The following NRXN1 variants were observed in gnomAD, a reference collection of about 807,000 sequenced individuals.
NRXN1 encodes the protein neurexin 1.
Under a neutral mutation model 150.9 loss-of-function variants are expected in NRXN1, and 39 were observed. The ratio of observed to expected loss-of-function variants is 0.26; its 90% CI spans 0.20 to 0.34. The LOEUF (loss-of-function observed/expected upper bound fraction) is 0.34, where lower values mean the gene tolerates loss of function less well. Among genes scored for constraint, NRXN1 ranks in the 10% least tolerant of loss-of-function variants. The pLI is 1.00. For missense variants in NRXN1, 1,815 were observed against 1,949.9 expected (o/e 0.93, Z 1.30); for synonymous variants, 924 against 757.0 (o/e 1.22, Z -3.62).
chr2:50,215,714 G>C (rs12472435), intron 18 of NRXN1, among the ~76,000 whole-genome samples: 35,795 of 151,884 alleles, frequency 0.24, 4,914 homozygotes, highest in African/African-American at 0.37. Flanking sequence ...AAGACATCAT[G>C]ATATTAATAA....
intron 17 of NRXN1, among the ~76,000 whole-genome samples, chr2:50,426,066 C>T (rs1354316501): frequency 2.6e-5 from 4 of 152,170 alleles, no homozygotes; most frequent in Non-Finnish European, 5.9e-5. Flanking sequence ...TTTTGTGATA[C>T]CTGAAATCAA....
chr2:50,740,681 T>C (rs1164066007), intron 5 of NRXN1, among the ~76,000 whole-genome samples: 1 of 152,200 alleles, frequency 6.6e-6, no homozygotes, highest in African/African-American at 2.4e-5. Flanking sequence ...TTTTTTCCAG[T>C]ATTTCTTTAC....
Position 50,196,185 on chromosome 2 carries a change from A to C in NRXN1, c.3546+40604T>G, listed in dbSNP as rs142024031. Among the ~76,000 whole-genome samples the C allele has an allele frequency of 6.3e-4, 96 of 152,096 alleles. No individual in the cohort carries two copies. The East Asian group carries it at 0.017, about 27-fold the overall frequency. ...CCACTCCCTATGTCCATCTGCTGTC[A>C]TTGTTCAGCTCCCACTTATAAGTGC... is the stretch of plus-strand genomic sequence containing the variant. On this transcript the variant is annotated intron_variant, in intron 18 of 22. Transcript: ENST00000401669.
intron 8 of NRXN1, among the ~76,000 whole-genome samples, chr2:50,596,347 C>A (rs564643513): frequency 6.6e-6 from 1 of 152,138 alleles, no homozygotes; most frequent in Non-Finnish European, 1.5e-5. Flanking sequence ...ACATCATTCA[C>A]GATCTATCCC....
chr2:49,957,283 A>G (rs556316256), intron 21 of NRXN1, among the ~76,000 whole-genome samples: 10 of 152,148 alleles, frequency 6.6e-5, no homozygotes, highest in Non-Finnish European at 1.3e-4. Context: ...TATTACATGT[A>G]TTAAATTATC....
chr2:49,980,194 G>T (rs1679757979), intron 21 of NRXN1, among the ~76,000 whole-genome samples: 1 of 152,124 alleles, frequency 6.6e-6, no homozygotes, highest in Non-Finnish European at 1.5e-5. Context: ...CAGAATAGTT[G>T]TTGTTAAAGT....
chr2:50,289,082 A>C (rs2072573068), intron 17 of NRXN1, among the ~76,000 whole-genome samples: 1 of 152,148 alleles, frequency 6.6e-6, no homozygotes, highest in African/African-American at 2.4e-5. Context: ...GGAACGTATA[A>C]GGAGAAATAG....
intron 19 of NRXN1, among the ~76,000 whole-genome samples, chr2:50,069,720 C>T (rs1013055466): frequency 2.6e-5 from 4 of 152,134 alleles, no homozygotes; most frequent in African/African-American, 9.7e-5. Flanking sequence ...TACAGACACA[C>T]CCACCTCTTA....
At chr2:50,951,048 CT>C (rs1691243738) in intron 2 of NRXN1, among the ~76,000 whole-genome samples, 1 of 152,110 alleles carries the variant, frequency 6.6e-6, no homozygotes. Context: ...TGTGAGGTCC[CT>C]GTATGTCAGT....
At chr2:50,453,514 T>C (rs1399517234) in intron 17 of NRXN1, among the ~76,000 whole-genome samples, 2 of 152,230 alleles carry the variant, frequency 1.3e-5, no homozygotes, top group African/African-American at 4.8e-5. Context: ...TCTGATGTTG[T>C]CACTATACTC....
intron 5 of NRXN1, among the ~76,000 whole-genome samples, chr2:50,625,899 A>G (rs1248126681): frequency 6.6e-6 from 1 of 152,038 alleles, no homozygotes; most frequent in East Asian, 1.9e-4. Context: ...AATGTGATAA[A>G]TCATCTAAAA....
chr2:50,298,281 AAATTG>A (rs1206847072), intron 17 of NRXN1, among the ~76,000 whole-genome samples: 1 of 152,152 alleles, frequency 6.6e-6, no homozygotes, highest in Non-Finnish European at 1.5e-5. Context: ...AAATTAACAC[AAATTG>A]AATAGAAATA....
intron 13 of NRXN1, among the ~76,000 whole-genome samples, chr2:50,502,624 G>GACATTACT: frequency 6.6e-6 from 1 of 152,240 alleles, no homozygotes; most frequent in African/African-American, 2.4e-5. Flanking sequence ...TGACATTACT[G>GACATTACT]GGAGCCAGGA....
Position 50,360,763 on chromosome 2 carries a change from C to T in NRXN1, c.3364+104679G>A, listed in dbSNP as rs186027451. ...GAACTCAGCTCTGGAACAAGCAGAC[C>T]TAATCGACATCTCCAGAACTCTCCA... is the stretch of plus-strand genomic sequence containing the variant. On this transcript the variant is annotated intron_variant, in intron 17 of 22. Transcript: ENST00000401669. Among the ~76,000 whole-genome samples the T allele has an allele frequency of 3.2e-3, 487 of 152,242 alleles. 4 individuals carry two copies. The highest frequency in any genetic ancestry group is 0.011 in the African/African-American group (465 of 41,540).
At chr2:50,444,140 C>A (rs1270066430) in intron 17 of NRXN1, among the ~76,000 whole-genome samples, 2 of 152,114 alleles carry the variant, frequency 1.3e-5, no homozygotes, top group Admixed American at 6.6e-5. Context: ...TCAAGGCATG[C>A]AATGATTCTT....
intron 19 of NRXN1, among the ~76,000 whole-genome samples, chr2:50,065,166 T>A (rs185474936): frequency 5.4e-4 from 82 of 152,332 alleles, no homozygotes; most frequent in African/African-American, 1.8e-3. Flanking sequence ...TCATGTTTTA[T>A]GCATTGTGTT....
intron 21 of NRXN1, among the ~76,000 whole-genome samples, chr2:49,946,517 T>C (rs972757769): frequency 6.6e-6 from 1 of 152,150 alleles, no homozygotes; most frequent in African/African-American, 2.4e-5. Flanking sequence ...TGGTTTTAGG[T>C]CTTACGTTTA....
At chr2:50,606,973 C>A (rs1025337916) in intron 8 of NRXN1, among the ~76,000 whole-genome samples, 46 of 152,114 alleles carry the variant, frequency 3.0e-4, no homozygotes, top group Admixed American at 7.2e-4. Context: ...AAAAATGCTG[C>A]ATTTTTCTGG....
intron 5 of NRXN1, among the ~76,000 whole-genome samples, chr2:50,860,896 G>C (rs1337617043): frequency 1.3e-5 from 2 of 152,042 alleles, no homozygotes; most frequent in African/African-American, 4.8e-5. Flanking sequence ...ATTTTAAAAA[G>C]GTCTTTGATG....
Sources: allele counts gnomAD v4.1 joint callset (sites outside exome capture counted in the v4.1 genomes callset), GRCh38; gene constraint gnomAD v4.1.1; transcripts MANE v1.5; gene names NCBI Gene and HGNC (gene_info 2026-07-23, HGNC 2026-07-21).